Variants in DPF3 observed in about 807,000 individuals in gnomAD.
DPF3 encodes zinc finger protein DPF3.
Under a neutral mutation model 56.8 loss-of-function variants are expected in DPF3, and 18 were observed. That is an observed-to-expected ratio of 0.32 (90% CI 0.22 to 0.47). DPF3 has a LOEUF of 0.47. Ranked by LOEUF, DPF3 falls within the 20% of genes least tolerant of loss-of-function variation. DPF3 has a pLI of 1.00. For synonymous variants in DPF3, 188 were observed against 180.2 expected, an observed-to-expected ratio of 1.04 and a Z score of -0.35; for missense variants, 403 against 488.8, an observed-to-expected ratio of 0.82 and a Z score of 1.65.
intron 1 of DPF3, among the ~76,000 whole-genome samples, chr14:72,816,322 C>T (rs1883283400): frequency 6.6e-6 from 1 of 152,220 alleles, no homozygotes; most frequent in African/African-American, 2.4e-5. Flanking sequence ...CATTTGCATC[C>T]TGTTTTATAT....
At position 72,855,887 on chromosome 14, in the gene DPF3, A is replaced by G. The variant is rs150549453; in HGVS notation, c.32+38170T>C. 3.7e-3 allele frequency among the ~76,000 whole-genome samples: 562 copies of G among 152,350 alleles called. 3 individuals are homozygous for G. Among genetic ancestry groups the G allele is most frequent in the Middle Eastern group, 0.014 (4 of 294 alleles). On this transcript the variant is annotated intron_variant, in intron 1 of 10. Transcript: ENST00000556509. Reference sequence around the variant, plus strand: ...GGCTTGAGGCATGAGTGATCAGCAGAGCCCCACATCACAATCCCTGTACTC... The same window carrying G: ...GGCTTGAGGCATGAGTGATCAGCAGGGCCCCACATCACAATCCCTGTACTC...
intron 1 of DPF3, among the ~76,000 whole-genome samples, chr14:72,871,671 T>C (rs1040065830): frequency 6.6e-6 from 1 of 152,208 alleles, no homozygotes; most frequent in Non-Finnish European, 1.5e-5. Flanking sequence ...CAGTGGCTCA[T>C]GCCTGTAATC....
At chr14:72,710,795 C>A (rs903843743) in intron 6 of DPF3, among the ~76,000 whole-genome samples, 1 of 152,282 alleles carries the variant, frequency 6.6e-6, no homozygotes, top group East Asian at 1.9e-4. Context: ...AGGGAAGAAA[C>A]AGAACTTTAA....
intron 2 of DPF3, among the ~76,000 whole-genome samples, chr14:72,763,658 C>T (rs1033126479): frequency 1.4e-4 from 22 of 151,756 alleles, no homozygotes; most frequent in Non-Finnish European, 3.1e-4. Context: ...TAAGAGAAAC[C>T]CTGACCTTGC....
At chr14:72,867,105 C>T (rs1029994529) in intron 1 of DPF3, among the ~76,000 whole-genome samples, 4 of 151,912 alleles carry the variant, frequency 2.6e-5, no homozygotes, top group African/African-American at 9.7e-5. Flanking sequence ...CTGTGTTGTC[C>T]GGGTTGTTCT....
chr14:72,711,453 C>T lies in DPF3; in HGVS notation c.604+2970G>A, dbSNP rs529176205. 2.0e-5 allele frequency among the ~76,000 whole-genome samples: 3 copies of T among 152,166 alleles called. No homozygotes were observed. In the South Asian group the frequency reaches 6.3e-4, roughly 32 times the overall value. ...CATGCACCTGGAGAGGCATCGACAC[C>T]GAGGCTGGGACAGGCTCCGACTAGT... is the stretch of plus-strand genomic sequence containing the variant. On this transcript the variant is annotated intron_variant, in intron 6 of 10. Transcript: ENST00000556509.
chr14:72,646,681 CT>C (rs1885735645), intron 8 of DPF3, among the ~76,000 whole-genome samples: 1 of 152,246 alleles, frequency 6.6e-6, no homozygotes, highest in South Asian at 2.1e-4. Context: ...GCACCCATCT[CT>C]TTTGCCCTCC....
At chr14:72,770,377 T>C (rs1449949794) in intron 2 of DPF3, among the ~76,000 whole-genome samples, 1 of 152,206 alleles carries the variant, frequency 6.6e-6, no homozygotes, top group Non-Finnish European at 1.5e-5. Flanking sequence ...AAAAGACACA[T>C]TAACCAGTTG....
chr14:72,768,968 TG>T (rs1891405223), intron 2 of DPF3, among the ~76,000 whole-genome samples: 2 of 143,206 alleles, frequency 1.4e-5, no homozygotes, highest in African/African-American at 5.1e-5. Context: ...TGTGTGTGTG[TG>T]TGTAAAATAA....
intron 1 of DPF3, among the ~76,000 whole-genome samples, chr14:72,888,459 A>C (rs1476428940): frequency 6.6e-6 from 1 of 152,210 alleles, no homozygotes; most frequent in Non-Finnish European, 1.5e-5. Flanking sequence ...AAGAAAAACA[A>C]ATTACAAAAA....
chr14:72,703,608 G>T (rs1888276583), intron 6 of DPF3, among the ~76,000 whole-genome samples: 1 of 152,206 alleles, frequency 6.6e-6, no homozygotes, highest in Admixed American at 6.5e-5. Context: ...GAACTCGGGA[G>T]TCTGCCTTCT....
chr14:72,890,494 A>AAATAATAATAATAATAAT (rs6145389), intron 1 of DPF3, among the ~76,000 whole-genome samples: 2 of 51,128 alleles, frequency 3.9e-5, no homozygotes, highest in African/African-American at 2.6e-4. Flanking sequence ...CTGTCTCAAA[A>AAATAATAATAATAATAAT]AATAATGATA....
chr14:72,693,718 T>A (rs1416347372), intron 6 of DPF3, among the ~76,000 whole-genome samples: 3 of 152,182 alleles, frequency 2.0e-5, no homozygotes, highest in Non-Finnish European at 4.4e-5. Flanking sequence ...CAACACCAAG[T>A]GACTTGCCCA....
rs879833430 is a variant in DPF3 at position 72,612,952 on chromosome 14, T to C, written c.*6345A>G. Among the ~76,000 whole-genome samples, 1 of 151,778 alleles carries C rather than the reference T, an allele frequency of 6.6e-6. No homozygotes were observed. Among genetic ancestry groups the C allele is most frequent in the Non-Finnish European group, 1.5e-5 (1 of 67,982 alleles). On this transcript the variant is annotated 3_prime_UTR_variant, in exon 11 of 11. Coordinates refer to ENST00000556509, the MANE Select transcript of DPF3 (RefSeq NM_001280542.3). ...CAGCCCCTGGCTCTCCCTCTTGTCC[T>C]GGAGCAACATCAAAGTTTCCCTTTG...
intron 1 of DPF3, among the ~76,000 whole-genome samples, chr14:72,822,664 C>T (rs1246773954): frequency 6.6e-6 from 1 of 151,948 alleles, no homozygotes; most frequent in Non-Finnish European, 1.5e-5. Context: ...AATTTTTTAC[C>T]ATATACAGGT....
intron 1 of DPF3, among the ~76,000 whole-genome samples, chr14:72,856,360 C>T (rs1885169243): frequency 6.6e-6 from 1 of 152,134 alleles, no homozygotes; most frequent in South Asian, 2.1e-4. Flanking sequence ...GGACTCCCAG[C>T]CAGAACATTG....
chr14:72,856,937 T>C (rs1317872179), intron 1 of DPF3, among the ~76,000 whole-genome samples: 1 of 152,168 alleles, frequency 6.6e-6, no homozygotes, highest in Non-Finnish European at 1.5e-5. Flanking sequence ...GTGCCAGCCA[T>C]CCTGGGGCAG....
intron 2 of DPF3, among the ~76,000 whole-genome samples, chr14:72,768,894 A>C (rs55692218): frequency 0.043 from 6,572 of 151,310 alleles, 373 homozygotes; most frequent in African/African-American, 0.13. Flanking sequence ...TCTTATTGTT[A>C]ATAGTCATAT....
intron 2 of DPF3, among the ~76,000 whole-genome samples, chr14:72,762,403 A>C (rs937436309): frequency 2.6e-5 from 4 of 151,924 alleles, no homozygotes; most frequent in Non-Finnish European, 5.9e-5. Flanking sequence ...AATCAATGTA[A>C]CTCATTATGT....
Sources: allele counts gnomAD v4.1 joint callset (sites outside exome capture counted in the v4.1 genomes callset), GRCh38; gene constraint gnomAD v4.1.1; transcripts MANE v1.5; gene names NCBI Gene and HGNC (gene_info 2026-07-23, HGNC 2026-07-21).